CUL1: variants seen among roughly 807,000 people sequenced by gnomAD.
The protein encoded by CUL1 is cullin 1.
In CUL1, 24 loss-of-function variants were observed where a neutral mutation model predicts 118.0. The ratio of observed to expected loss-of-function variants is 0.20; its 90% confidence interval spans 0.15 to 0.29. The LOEUF (loss-of-function observed/expected upper bound fraction) is 0.29. CUL1 is among the 10% of genes least tolerant of loss of function. CUL1 has a pLI of 1.00. For missense variants in CUL1, 361 were observed against 933.8 expected (o/e 0.39, Z 7.99); for synonymous variants, 332 against 340.4 (o/e 0.98, Z 0.27).
intron 2 of CUL1, among the ~76,000 whole-genome samples, chr7:148,743,680 G>A (rs963070533): frequency 1.3e-5 from 2 of 148,738 alleles, no homozygotes; most frequent in African/African-American, 2.6e-5. Flanking sequence ...AAGGCGGGCA[G>A]ATCGCCGGAG....
At chr7:148,759,479 T>C (rs1799770815) in intron 5 of CUL1, 69 bp from the exon 6 acceptor site, 1 of 1,360,568 alleles carries the variant, frequency 7.3e-7, no homozygotes, top group Non-Finnish European at 1.0e-6. Context: ...TGTGAATGTT[T>C]AAGGGATATG....
intron 2 of CUL1, among the ~76,000 whole-genome samples, chr7:148,751,636 C>A (rs1799495540): frequency 6.6e-6 from 1 of 151,174 alleles, no homozygotes; most frequent in African/African-American, 2.4e-5. Flanking sequence ...TTATTCTTTG[C>A]AGCTTTGTAA....
At chr7:148,766,130 TTTTC>T (rs1191687323) in intron 7 of CUL1, among the ~76,000 whole-genome samples, 1 of 152,208 alleles carries the variant, frequency 6.6e-6, no homozygotes. Context: ...ACTTTTTCCT[TTTTC>T]TTTCTGTTTT....
intron 9 of CUL1, among the ~76,000 whole-genome samples, chr7:148,768,591 G>C (rs1279096861): frequency 6.6e-6 from 1 of 151,948 alleles, no homozygotes; most frequent in African/African-American, 2.4e-5. Context: ...CGCTGTGTTG[G>C]CCAGGCTGGT....
At chr7:148,795,769 C>CAAAAAAA (rs915978562) in intron 17 of CUL1, among the ~76,000 whole-genome samples, 14 of 56,066 alleles carry the variant, frequency 2.5e-4, no homozygotes, top group African/African-American at 8.9e-4. Flanking sequence ...GACTCTGTCT[C>CAAAAAAA]AAAAAAAAAA....
At chr7:148,728,604 T>G (rs546144662) in intron 1 of CUL1, among the ~76,000 whole-genome samples, 2 of 152,342 alleles carry the variant, frequency 1.3e-5, no homozygotes, top group Non-Finnish European at 2.9e-5. Context: ...TTCTTAAAAC[T>G]TGAGGGAGTC....
intron 1 of CUL1, among the ~76,000 whole-genome samples, chr7:148,715,455 T>C (rs915355889): frequency 6.6e-6 from 1 of 152,190 alleles, no homozygotes; most frequent in Non-Finnish European, 1.5e-5. Context: ...CCTTCAACCT[T>C]AACACTGTCG....
chr7:148,737,082 A>C (rs1360301586), intron 2 of CUL1, among the ~76,000 whole-genome samples: 1 of 152,228 alleles, frequency 6.6e-6, no homozygotes, highest in East Asian at 1.9e-4. Context: ...GCTATCTTTT[A>C]CTACTGACCT....
chr7:148,795,490 G>A (rs1391282100), intron 17 of CUL1, among the ~76,000 whole-genome samples: 1 of 151,978 alleles, frequency 6.6e-6, no homozygotes, highest in Non-Finnish European at 1.5e-5. Flanking sequence ...AGTACCGCAG[G>A]GTGTGGTGGC....
chr7:148,789,531 C>A (rs147373238), intron 14 of CUL1, among the ~76,000 whole-genome samples: 3 of 152,288 alleles, frequency 2.0e-5, no homozygotes, highest in African/African-American at 7.2e-5. Flanking sequence ...TGAAGACTCT[C>A]ACTCTTTGGA....
At chr7:148,781,113 G>A (rs1224520336) in intron 9 of CUL1, among the ~76,000 whole-genome samples, 1 of 93,708 alleles carries the variant, frequency 1.1e-5, no homozygotes, top group Non-Finnish European at 1.9e-5. Flanking sequence ...ACAGAGTCTC[G>A]CACCGTCACC....
chr7:148,700,374 A>G (rs917343313), intron 1 of CUL1, among the ~76,000 whole-genome samples: 1 of 152,158 alleles, frequency 6.6e-6, no homozygotes, highest in African/African-American at 2.4e-5. Context: ...TTTAAGTTTA[A>G]CACTTCATTT....
chr7:148,787,585 C>G lies in CUL1; in HGVS notation c.1479+465C>G, dbSNP rs959981082. Among the ~76,000 whole-genome samples, 6 of 152,208 alleles carry G rather than the reference C, an allele frequency of 3.9e-5. No homozygotes were observed. The highest frequency in any genetic ancestry group is 5.9e-5 in the Non-Finnish European group (4 of 68,032). ...AAAGCCTCCCACAACTATCACTCTA[C>G]TCTCGTTGGGCCCCGGTGCCTTCCC... On this transcript the variant is annotated intron_variant, in intron 13 of 21. Transcript: ENST00000325222. The surrounding 1 kb of genome is among the most constrained non-coding windows in gnomAD (Gnocchi z 5.5).
intron 2 of CUL1, among the ~76,000 whole-genome samples, chr7:148,753,419 ACATCTCTCTCTTTCT>A (rs1319440656): frequency 3.9e-5 from 6 of 152,194 alleles, no homozygotes; most frequent in African/African-American, 1.4e-4. Flanking sequence ...TGTGGTTTAT[ACATCTCTCTCTTTCT>A]CAGGAGTGTG....
intron 11 of CUL1, among the ~76,000 whole-genome samples, chr7:148,785,898 T>A (rs1312495288): frequency 2.6e-5 from 4 of 152,162 alleles, no homozygotes; most frequent in African/African-American, 9.7e-5. Flanking sequence ...GAACCAACTT[T>A]TCTAAAGTTG....
At chr7:148,766,503 A>T (rs1800012126) in intron 7 of CUL1, 58 bp from the exon 8 acceptor site, 1 of 1,400,420 alleles carries the variant, frequency 7.1e-7, no homozygotes, top group Non-Finnish European at 9.6e-7. Context: ...ATATTAAAGA[A>T]TTGTAACAGT....
intron 9 of CUL1, among the ~76,000 whole-genome samples, chr7:148,768,530 G>A (rs1249513880): frequency 4.6e-5 from 7 of 151,744 alleles, no homozygotes; most frequent in South Asian, 2.1e-4. Context: ...GATTACAGCC[G>A]CTCGCCACCA....
At chr7:148,768,035 T>G (rs1800063423) in intron 9 of CUL1, among the ~76,000 whole-genome samples, 1 of 152,176 alleles carries the variant, frequency 6.6e-6, no homozygotes, top group Non-Finnish European at 1.5e-5. Context: ...AGAAGCTGCT[T>G]CCCTAGAAAC....
chr7:148,795,634 G>T (rs1357457654), intron 17 of CUL1, among the ~76,000 whole-genome samples: 1 of 152,056 alleles, frequency 6.6e-6, no homozygotes, highest in East Asian at 1.9e-4. Flanking sequence ...GCCGGGCGTG[G>T]TGGCAGGTGC....
Sources: gnomAD v4.1 joint callset for allele counts (sites outside exome capture counted in the v4.1 genomes callset) on GRCh38, gnomAD v4.1.1 for gene constraint, Gnocchi (gnomAD v3.1) non-coding constraint, MANE v1.5 for transcripts, NCBI Gene and HGNC (gene_info 2026-07-23, HGNC 2026-07-21) for gene names.